Variants in CCNY observed in about 807,000 individuals in gnomAD.
CCNY encodes cyclin-Y.
Under a neutral mutation model 42.8 loss-of-function variants are expected in CCNY, and 19 were observed. The observed-to-expected ratio is 0.44, with a 90% CI of 0.31 to 0.65. CCNY has a LOEUF of 0.65. CCNY is among the 30% of genes least tolerant of loss of function. The pLI, the probability that CCNY is intolerant of heterozygous loss-of-function variation, is 0.07. For synonymous variants in CCNY, 165 were observed against 162.7 expected, an observed-to-expected ratio of 1.01 and a Z score of -0.11; for missense variants, 370 against 437.3, an observed-to-expected ratio of 0.85 and a Z score of 1.37.
At chr10:35,354,276 C>T (rs1199353201) in intron 1 of CCNY, among the ~76,000 whole-genome samples, 1 of 150,656 alleles carries the variant, frequency 6.6e-6, no homozygotes, top group Non-Finnish European at 1.5e-5. Context: ...ACCTCTGTCT[C>T]CTGGGTTCAA....
chr10:35,542,520 T>C (rs1841024368), intron 7 of CCNY, among the ~76,000 whole-genome samples: 1 of 152,196 alleles, frequency 6.6e-6, no homozygotes, highest in African/African-American at 2.4e-5. Context: ...GCAGTTGTGT[T>C]CCACCTCCCT....
In CCNY at chr10:35,569,285, T is replaced by G; in HGVS notation, c.*115T>G. The G allele has an allele frequency of 1.4e-6, 1 of 692,792 alleles. No homozygotes were observed. Among genetic ancestry groups the G allele is most frequent in the Non-Finnish European group, 2.5e-6 (1 of 393,538 alleles). 42.9% of individuals were successfully genotyped at this position (692,792 alleles called of 1,614,324 possible). A position where few individuals can be genotyped will look rare whatever the true frequency, so the allele number is the denominator to read the frequency against. ...TTCTTTCCTTTTCTTTTTTTACGCA[T>G]AGCTCCGTCAAGCTGCCTGGATGAG... On this transcript the variant is annotated 3_prime_UTR_variant, in exon 10 of 10. Coordinates refer to ENST00000374704, the MANE Select transcript of CCNY (RefSeq NM_145012.6).
At chr10:35,401,024 C>T (rs1030620334) in intron 1 of CCNY, among the ~76,000 whole-genome samples, 12 of 152,246 alleles carry the variant, frequency 7.9e-5, no homozygotes, top group Non-Finnish European at 1.5e-4. Context: ...AGTAACTGTG[C>T]TCTGAAGGGT....
chr10:35,411,976 G>T (rs1227866477), intron 1 of CCNY, among the ~76,000 whole-genome samples: 1 of 152,208 alleles, frequency 6.6e-6, no homozygotes, highest in Non-Finnish European at 1.5e-5. Flanking sequence ...CTGTGGCTCT[G>T]CAGGGCTGTG....
chr10:35,416,033 A>G (rs999909898), intron 1 of CCNY, among the ~76,000 whole-genome samples: 5 of 152,126 alleles, frequency 3.3e-5, no homozygotes, highest in African/African-American at 9.7e-5. Flanking sequence ...GCTTTATACA[A>G]TGTTTTTGGC....
At chr10:35,252,293 C>T (rs777831574) in intron 3 of CCNY, among the ~76,000 whole-genome samples, 68 of 152,036 alleles carry the variant, frequency 4.5e-4, no homozygotes, top group Non-Finnish European at 8.4e-4. Flanking sequence ...TGGCCGGGCG[C>T]GGTGGCTCAG....
In CCNY at chr10:35,569,769, T is replaced by G. The variant is rs1316201932; in HGVS notation, c.*599T>G. 6.5e-6 allele frequency: 1 copy of G among 154,196 alleles called. No homozygotes were observed. The highest frequency in any genetic ancestry group is 1.4e-5 in the Non-Finnish European group (1 of 69,028). 9.6% of individuals were successfully genotyped at this position (154,196 alleles called of 1,614,324 possible). On this transcript the variant is annotated 3_prime_UTR_variant, in exon 10 of 10. Coordinates refer to ENST00000374704, the MANE Select transcript of CCNY (RefSeq NM_145012.6). ...TTTCTGCGCGCTGTCTTCTGAGCTT[T>G]CTTCCTCACCAGTGGGCTGTGCTTG...
intron 4 of CCNY, among the ~76,000 whole-genome samples, chr10:35,519,757 C>G (rs926479469): frequency 8.1e-6 from 1 of 123,144 alleles, no homozygotes; most frequent in African/African-American, 3.2e-5. Context: ...TAAAAAGTAT[C>G]TTCTTTTTCT....
intron 7 of CCNY, among the ~76,000 whole-genome samples, chr10:35,551,830 C>G (rs1333324001): frequency 6.6e-6 from 1 of 152,150 alleles, no homozygotes; most frequent in East Asian, 1.9e-4. Context: ...TGATATACGA[C>G]TTCACACACA....
In CCNY at chr10:35,511,262, A is replaced by G. The variant is rs944179270; in HGVS notation, c.265-5261A>G. Among the ~76,000 whole-genome samples the G allele has an allele frequency of 2.6e-4, 39 of 152,278 alleles. 1 individual carries two copies. Among genetic ancestry groups the G allele is most frequent in the African/African-American group, 8.4e-4 (35 of 41,544 alleles). On this transcript the variant is annotated intron_variant, in intron 3 of 9. Transcript: ENST00000374704. ...TGTTCTTCATTTGCTGATTCAAGAA[A>G]ATACCAGTCTGTACCTCCAAGACAC...
intron 3 of CCNY, among the ~76,000 whole-genome samples, chr10:35,290,615 G>C (rs957438860): frequency 6.6e-6 from 1 of 151,948 alleles, no homozygotes; most frequent in South Asian, 2.1e-4. Context: ...ACAATTCAAT[G>C]GTTTTTAGTA....
chr10:35,387,450 C>T (rs1396731346), intron 1 of CCNY, among the ~76,000 whole-genome samples: 1 of 152,110 alleles, frequency 6.6e-6, no homozygotes, highest in Non-Finnish European at 1.5e-5. Context: ...CTGCCTGCTC[C>T]ATGTTGTATG....
chr10:35,375,183 G>T (rs538419473), intron 1 of CCNY, among the ~76,000 whole-genome samples: 1 of 152,338 alleles, frequency 6.6e-6, no homozygotes, highest in Admixed American at 6.5e-5. Flanking sequence ...AGTGCTGTAG[G>T]TTGGAGGTCT....
At chr10:35,385,033 C>T (rs1262638536) in intron 1 of CCNY, among the ~76,000 whole-genome samples, 1 of 152,182 alleles carries the variant, frequency 6.6e-6, no homozygotes, top group African/African-American at 2.4e-5. Flanking sequence ...GTCAGATCTA[C>T]AGCCTTCGTT....
rs189943207 is a variant in CCNY, at chr10:35,270,458, C to T, written c.-9+19832C>T. Among the ~76,000 whole-genome samples, 177 of 152,310 alleles carry T rather than the reference C, an allele frequency of 1.2e-3. 1 individual carries two copies. Among genetic ancestry groups the T allele is most frequent in the African/African-American group, 4.1e-3 (169 of 41,580 alleles). The stretch of plus-strand genomic sequence containing the variant: ...TCACATCCAGTGACATCAGACTTGT[C>T]ACTTTCTTGTTTCAGGGTTGATAAA... On this transcript the variant is annotated intron_variant, in intron 3 of 11. Transcript: ENST00000374706.
At position 35,365,039 on chromosome 10, in the gene CCNY, G is replaced by C. The variant is rs544190525; in HGVS notation, c.154+27832G>C. Among the ~76,000 whole-genome samples the C allele has an allele frequency of 2.0e-5, 3 of 152,292 alleles. No homozygotes were observed. In the East Asian group the frequency reaches 5.8e-4, roughly 29 times the overall value. ...TTCCTCGTGTTGGAATTTGGACTTA[G>C]GACTTTGGAAGGTGGAAAATTCCAA... On this transcript the variant is annotated intron_variant, in intron 1 of 9. Transcript: ENST00000374704.
At chr10:35,363,295 TC>T (rs1836737518) in intron 1 of CCNY, among the ~76,000 whole-genome samples, 1 of 149,888 alleles carries the variant, frequency 6.7e-6, no homozygotes. Flanking sequence ...ACTCCTCACT[TC>T]CCAGACGGTT....
intron 3 of CCNY, among the ~76,000 whole-genome samples, chr10:35,261,515 G>T (rs1249221047): frequency 6.6e-6 from 1 of 151,792 alleles, no homozygotes; most frequent in Non-Finnish European, 1.5e-5. Flanking sequence ...TGAGATTACA[G>T]GCATGAGCCA....
chr10:35,365,985 C>T (rs1836800237), intron 1 of CCNY, among the ~76,000 whole-genome samples: 1 of 152,194 alleles, frequency 6.6e-6, no homozygotes, highest in Non-Finnish European at 1.5e-5. Flanking sequence ...AATCCTTGTT[C>T]ATTTTCATTG....
Sources: gnomAD v4.1 joint callset for allele counts (sites outside exome capture counted in the v4.1 genomes callset) on GRCh38, gnomAD v4.1.1 for gene constraint, MANE v1.5 for transcripts, NCBI Gene and HGNC (gene_info 2026-07-23, HGNC 2026-07-21) for gene names.